NR2F2: variants seen among roughly 807,000 people sequenced by gnomAD.
NR2F2 encodes the protein nuclear receptor subfamily 2 group F member 2, also known as COUP transcription factor 2.
NR2F2 carries 2 observed loss-of-function variants against 34.8 expected under a neutral mutation model. The ratio of observed to expected loss-of-function variants is 0.06; its 90% CI spans 0.02 to 0.18. The LOEUF (loss-of-function observed/expected upper bound fraction) is 0.18, where lower values mean the gene tolerates loss of function less well. Ranked by LOEUF, NR2F2 falls within the 10% of genes least tolerant of loss-of-function variation. NR2F2 has a pLI of 1.00. For synonymous variants in NR2F2, 274 were observed against 251.8 expected, an observed-to-expected ratio of 1.09 and a Z score of -0.84; for missense variants, 300 against 580.1, an observed-to-expected ratio of 0.52 and a Z score of 4.96.
rs969342408 is a variant in NR2F2, at chr15:96,332,208, G to A, written c.103G>A (p.Gly35Ser). Residue 35 changes from glycine to serine, a missense_variant, in exon 1 of 3, where the codon GGC becomes AGC. Physicochemically the swap from Gly to Ser is moderately conservative, Grantham distance 56. This residue lies in a region of NR2F2 where 105 missense variants were observed against 107.8 expected (regional missense o/e 0.97). Coordinates refer to ENST00000394166, the MANE Select transcript of NR2F2 (RefSeq NM_021005.4). ...GCCGCCCGTGCCCGGCCCGCCGCCC[G>A]GCGCCCCGCACACGCCACAGACGCC... ...QAPPVPGPPP[G>S]APHTPQTPGQ... 35 of 1,356,856 alleles carry A rather than the reference G, an allele frequency of 2.6e-5. No homozygotes were observed. The highest frequency in any genetic ancestry group is 3.8e-5 in the South Asian group (2 of 52,630). The allele number at this position is 1,356,856 out of a possible 1,614,324, so 84.1% of individuals were successfully genotyped here.
rs543177561 is a variant in NR2F2, at chr15:96,338,885, C to CG, written c.*1269dup. ...GTGAGCTCTCGCTTAGCTGGCCGGG[C>CG]GGGGGGTGGTGGGGGGGGGCATTTG... On this transcript the variant is annotated 3_prime_UTR_variant, in exon 3 of 3. Coordinates refer to ENST00000394166, the MANE Select transcript of NR2F2 (RefSeq NM_021005.4). 4.7e-3 allele frequency: 43 copies of CG among 9,134 alleles called. No homozygotes were observed. The highest frequency in any genetic ancestry group is 0.019 in the African/African-American group (42 of 2,230). 0.6% of individuals were successfully genotyped at this position (9,134 alleles called of 1,614,324 possible).
At position 96,331,089 on chromosome 15, in the gene NR2F2, G is replaced by A. The variant is rs1899125899; in HGVS notation, c.-1017G>A. Reference sequence around the variant, plus strand: ...AGCAGCGGCTCCGGCGGCGGCAGCAGCGGCAGCAGCGACTTCAGCGGCGGC... The same window carrying A: ...AGCAGCGGCTCCGGCGGCGGCAGCAACGGCAGCAGCGACTTCAGCGGCGGC... On this transcript the variant is annotated 5_prime_UTR_variant, in exon 1 of 3. Coordinates refer to ENST00000394166, the MANE Select transcript of NR2F2 (RefSeq NM_021005.4). The A allele has an allele frequency of 1.6e-6, 2 of 1,227,236 alleles. No homozygotes were observed. Among genetic ancestry groups the A allele is most frequent in the African/African-American group, 3.2e-5 (2 of 63,440 alleles). 76.0% of individuals were successfully genotyped at this position (1,227,236 alleles called of 1,614,324 possible).
rs1265414645 is a variant in NR2F2 at position 96,334,413 on chromosome 15, C to T, written c.780C>T (p.Cys260=). 1 of 1,614,070 alleles carries T rather than the reference C, an allele frequency of 6.2e-7. No individual in the cohort carries two copies. Among genetic ancestry groups the T allele is most frequent in the East Asian group, 2.2e-5 (1 of 44,858 alleles). The change falls in exon 2 of 3, where the codon TGC becomes TGT. Residue 260 remains cysteine, a synonymous_variant. Transcript: ENST00000394166. ...SELFVLNAAQ[C]SMPLHVAPLL... ...TGTTTGTGTTGAATGCGGCGCAGTG[C>T]TCCATGCCCCTCCACGTCGCCCCGC...
In NR2F2 at chr15:96,332,255, CACGCCAGCCCAG is replaced by C; in HGVS notation, c.154_165del (p.Pro52_Thr55del). 1 of 1,543,384 alleles carries C rather than the reference CACGCCAGCCCAG, an allele frequency of 6.5e-7. No homozygotes were observed. Among genetic ancestry groups the C allele is most frequent in the Non-Finnish European group, 8.7e-7 (1 of 1,145,592 alleles). ...CGCCCGGCCAAGGGGGCCCAGCCAG[CACGCCAGCCCAG>C]ACGGCGGCCGGTGGCCAGGGCGGCC... On this transcript the variant is annotated inframe_deletion, in exon 1 of 3. Coordinates refer to ENST00000394166, the MANE Select transcript of NR2F2 (RefSeq NM_021005.4).
At chr15:96,330,251 C>G (rs1899091573), upstream of NR2F2, among the ~76,000 whole-genome samples, 1 of 152,170 alleles carries the variant, frequency 6.6e-6, no homozygotes, top group Admixed American at 6.5e-5. Context: ...GCAAACTCCC[C>G]GATTCCATCC....
upstream of NR2F2, among the ~76,000 whole-genome samples, chr15:96,330,434 G>A (rs1333071420): frequency 7.5e-6 from 1 of 132,748 alleles, no homozygotes; most frequent in Non-Finnish European, 1.6e-5. Flanking sequence ...CGGCCACCCC[G>A]TCCCCGCCCC....
Position 96,331,372 on chromosome 15 carries a change from C to CA in NR2F2, c.-734_-733insA, listed in dbSNP as rs1899136152. The CA allele has an allele frequency of 1.6e-6, 2 of 1,221,216 alleles. No individual in the cohort carries two copies. The highest frequency in any genetic ancestry group is 3.1e-5 in the African/African-American group (2 of 63,854). The allele number at this position is 1,221,216 out of a possible 1,614,324, so 75.6% of individuals were successfully genotyped here. A position where few individuals can be genotyped will look rare whatever the true frequency, so the allele number is the denominator to read the frequency against. ...TGCTGATTCCCCCGGACCCGGGCAG[C>CA]GCTCCGGCCACTCCGCGGGCCGCCG... On this transcript the variant is annotated 5_prime_UTR_variant, in exon 1 of 3. The change abolishes the stop of an existing upstream ORF in the 5' untranslated region. Transcript: ENST00000394166.
chr15:96,333,405 G>C lies in NR2F2; in HGVS notation c.443-671G>C, dbSNP rs562612328. The C allele has an allele frequency of 2.0e-5, 20 of 1,002,226 alleles. No individual in the cohort carries two copies. The East Asian group carries it at 2.2e-3, about 108-fold the overall frequency. The allele number at this position is 1,002,226 out of a possible 1,614,324, so 62.1% of individuals were successfully genotyped here. A position where few individuals can be genotyped will look rare whatever the true frequency, so the allele number is the denominator to read the frequency against. On this transcript the variant is annotated intron_variant, in intron 1 of 2. Transcript: ENST00000394166. ...GCTTTCCCCGGCCCTTACAGGCCCTGCCCAGGCTCCGCTAGTGCCGGCCGC... is the reference window on the plus strand; with the variant it reads ...GCTTTCCCCGGCCCTTACAGGCCCTCCCCAGGCTCCGCTAGTGCCGGCCGC...
At position 96,339,981 on chromosome 15, in the gene NR2F2, T is replaced by G. The variant is rs1372761068; in HGVS notation, c.*2359T>G. ...CAGTAAAATCTGATTTGTGCAGAGT[T>G]CTCCATCTGACTCTCACTTATTTCT... On this transcript the variant is annotated 3_prime_UTR_variant, in exon 3 of 3. Coordinates refer to ENST00000394166, the MANE Select transcript of NR2F2 (RefSeq NM_021005.4). The G allele has an allele frequency of 6.6e-6, 1 of 152,214 alleles. No individual in the cohort carries two copies. The highest frequency in any genetic ancestry group is 1.5e-5 in the Non-Finnish European group (1 of 68,028). 9.4% of individuals were successfully genotyped at this position (152,214 alleles called of 1,614,324 possible).
intron 2 of NR2F2, among the ~76,000 whole-genome samples, chr15:96,336,705 AG>A (rs751685702): frequency 6.6e-6 from 1 of 151,994 alleles, no homozygotes; most frequent in Non-Finnish European, 1.5e-5. Context: ...GAGAAGAAAA[AG>A]GGGGAAAAGA....
upstream of NR2F2, among the ~76,000 whole-genome samples, chr15:96,328,936 CT>C (rs1899058649): frequency 6.6e-6 from 1 of 152,112 alleles, no homozygotes; most frequent in South Asian, 2.1e-4. Flanking sequence ...TAGTCCTTAC[CT>C]CATATTCTGC....
chr15:96,334,724 C>G, intron 2 of NR2F2, 121 bp downstream of exon 2: 1 of 1,108,328 alleles, frequency 9.0e-7, no homozygotes, highest in Non-Finnish European at 1.3e-6. Context: ...CTGTTGAGTG[C>G]AACTTAAAGT....
chr15:96,331,283 G>T lies in NR2F2; in HGVS notation c.-823G>T, dbSNP rs1899132774. 9.8e-7 allele frequency: 1 copy of T among 1,016,604 alleles called. No individual in the cohort carries two copies. Among genetic ancestry groups the T allele is most frequent in the Admixed American group, 5.9e-5 (1 of 16,996 alleles). 63.0% of individuals were successfully genotyped at this position (1,016,604 alleles called of 1,614,324 possible). On this transcript the variant is annotated 5_prime_UTR_variant, in exon 1 of 3. Coordinates refer to ENST00000394166, the MANE Select transcript of NR2F2 (RefSeq NM_021005.4). Reference sequence around the variant, plus strand: ...GGCGCGCGCCGGACGCCCGGGGCAGGCGGCGGCGGCGGCGGCCCAGCGCCA... The same window carrying T: ...GGCGCGCGCCGGACGCCCGGGGCAGTCGGCGGCGGCGGCGGCCCAGCGCCA...
intron 2 of NR2F2, among the ~76,000 whole-genome samples, chr15:96,336,808 C>G (rs1203807177): frequency 6.6e-6 from 1 of 152,090 alleles, no homozygotes; most frequent in African/African-American, 2.4e-5. Flanking sequence ...CCACTTAAAT[C>G]AGTTTCAAAG....
chr15:96,330,866 C>CCT lies in NR2F2; in HGVS notation c.-1238_-1237dup. The CCT allele has an allele frequency of 5.2e-6, 6 of 1,157,300 alleles. No individual in the cohort carries two copies. The highest frequency in any genetic ancestry group is 6.4e-6 in the Non-Finnish European group (6 of 939,546). The allele number at this position is 1,157,300 out of a possible 1,614,324, so 71.7% of individuals were successfully genotyped here. Reference sequence around the variant, plus strand: ...TTCTCCTCCTCCTCTCCCCGAGTTGCCTCCTTTCTCCGGGTGCCGTACTGC... The same window carrying CCT: ...TTCTCCTCCTCCTCTCCCCGAGTTGCCTCTCCTTTCTCCGGGTGCCGTACTGC... On this transcript the variant is annotated 5_prime_UTR_variant, in exon 1 of 3. Coordinates refer to ENST00000394166, the MANE Select transcript of NR2F2 (RefSeq NM_021005.4).
In NR2F2 at chr15:96,338,733, A is replaced by C. The variant is rs2141173369; in HGVS notation, c.*1111A>C. The C allele has an allele frequency of 6.6e-6, 1 of 152,602 alleles. No homozygotes were observed. The highest frequency in any genetic ancestry group is 1.9e-4 in the East Asian group (1 of 5,172). The allele number at this position is 152,602 out of a possible 1,614,324, so 9.5% of individuals were successfully genotyped here. ...ATACTGTAAAAGTTATAATAACTGAACTGTTTGGTCGAGTCTTTGTGTGTT... is the reference window on the plus strand; with the variant it reads ...ATACTGTAAAAGTTATAATAACTGACCTGTTTGGTCGAGTCTTTGTGTGTT... On this transcript the variant is annotated 3_prime_UTR_variant, in exon 3 of 3. Coordinates refer to ENST00000394166, the MANE Select transcript of NR2F2 (RefSeq NM_021005.4).
In NR2F2 at chr15:96,338,835, T is replaced by C. The variant is rs1899411349; in HGVS notation, c.*1213T>C. 1 of 147,400 alleles carries C rather than the reference T, an allele frequency of 6.8e-6. No individual in the cohort carries two copies. The highest frequency in any genetic ancestry group is 2.5e-5 in the African/African-American group (1 of 39,748). The allele number at this position is 147,400 out of a possible 1,614,324, so 9.1% of individuals were successfully genotyped here. ...CTGAAACCTGGCTGTCCCCACTCACTGTCTTTACATCTAGAAGAGCCCCTG... is the reference window on the plus strand; with the variant it reads ...CTGAAACCTGGCTGTCCCCACTCACCGTCTTTACATCTAGAAGAGCCCCTG... On this transcript the variant is annotated 3_prime_UTR_variant, in exon 3 of 3. Transcript: ENST00000394166.
At position 96,339,587 on chromosome 15, in the gene NR2F2, C is replaced by T. The variant is rs1172084616; in HGVS notation, c.*1965C>T. 1 of 152,118 alleles carries T rather than the reference C, an allele frequency of 6.6e-6. No homozygotes were observed. Among genetic ancestry groups the T allele is most frequent in the African/African-American group, 2.4e-5 (1 of 41,394 alleles). 9.4% of individuals were successfully genotyped at this position (152,118 alleles called of 1,614,324 possible). On this transcript the variant is annotated 3_prime_UTR_variant, in exon 3 of 3. Coordinates refer to ENST00000394166, the MANE Select transcript of NR2F2 (RefSeq NM_021005.4). ...TTGTGTGGCTACAATCTGTACTGCT[C>T]TTGGGATCCTTTGTCCTTAGAAGCC...
At chr15:96,333,655 G>A in intron 1 of NR2F2, 1 of 1,084,068 alleles carries the variant, frequency 9.2e-7, no homozygotes, top group Non-Finnish European at 1.1e-6. Flanking sequence ...GGACCCTCGT[G>A]CCTTTTGCAA....
Sources: allele counts gnomAD v4.1 joint callset (sites outside exome capture counted in the v4.1 genomes callset), GRCh38; gene constraint gnomAD v4.1.1; regional missense constraint gnomAD v4.1.1; transcripts MANE v1.5; gene names NCBI Gene and HGNC (gene_info 2026-07-23, HGNC 2026-07-21).